SYNRG: variants seen among roughly 807,000 people sequenced by gnomAD.
SYNRG encodes AP1 gamma subunit binding protein 1.
Under a neutral mutation model 130.9 loss-of-function variants are expected in SYNRG, and 37 were observed. That is an observed-to-expected ratio of 0.28 (90% CI 0.22 to 0.37). The LOEUF is 0.37. Ranked by LOEUF, SYNRG falls within the 10% of genes least tolerant of loss-of-function variation. The pLI, the probability that SYNRG is intolerant of heterozygous loss-of-function variation, is 1.00. For synonymous variants in SYNRG, 539 were observed against 568.1 expected (o/e 0.95, Z 0.73); for missense variants, 1,338 against 1,588.9 (o/e 0.84, Z 2.68).
At chr17:37,607,597 T>C (rs1231970826) in intron 1 of SYNRG, among the ~76,000 whole-genome samples, 1 of 152,210 alleles carries the variant, frequency 6.6e-6, no homozygotes, top group Non-Finnish European at 1.5e-5. Flanking sequence ...GAGACCAGCC[T>C]GGCTAACATG....
intron 4 of SYNRG, 34 bp downstream of exon 4, chr17:37,586,385 T>A: frequency 1.2e-6 from 2 of 1,612,372 alleles, no homozygotes; most frequent in South Asian, 1.1e-5. Context: ...CTATAATGTA[T>A]CTTTGTTATC....
In SYNRG at chr17:37,518,961, G is replaced by A. The variant is rs572589591; in HGVS notation, c.3924C>T (p.Leu1308=). ...TTGTTCAGAGCAGGTCAGGCAGGACGAGGCCAGGAGGCTTTGGTTCGACAC... is the reference window on the plus strand; with the variant it reads ...TTGTTCAGAGCAGGTCAGGCAGGACAAGGCCAGGAGGCTTTGGTTCGACAC... ...INCVEPKPPG[L]VLPDLL The change falls in exon 22 of 22, where the codon CTC becomes CTT. Residue 1308 remains leucine (L), a synonymous_variant. Transcript: ENST00000612223. The A allele has an allele frequency of 2.7e-5, 43 of 1,613,980 alleles. No homozygotes were observed. The South Asian group carries it at 4.1e-4, about 15-fold the overall frequency.
intron 1 of SYNRG, among the ~76,000 whole-genome samples, chr17:37,601,220 A>G (rs1369409651): frequency 2.0e-5 from 3 of 152,082 alleles, no homozygotes; most frequent in Non-Finnish European, 4.4e-5. Context: ...GGCACCCGCC[A>G]CCACGACTGG....
At chr17:37,586,323 T>C (rs1303889193) in intron 4 of SYNRG, 96 bp downstream of exon 4, 47 of 1,524,246 alleles carry the variant, frequency 3.1e-5, no homozygotes, top group Non-Finnish European at 4.2e-5. Context: ...CTTTTGACTG[T>C]TTTAGTTTCA....
At chr17:37,577,165 C>A (rs1568454480) in intron 7 of SYNRG, among the ~76,000 whole-genome samples, 2 of 152,066 alleles carry the variant, frequency 1.3e-5, no homozygotes, top group South Asian at 4.2e-4. Flanking sequence ...AACCAGTTAT[C>A]AAAATCATTT....
intron 10 of SYNRG, among the ~76,000 whole-genome samples, chr17:37,569,379 C>A (rs2060240147): frequency 6.9e-6 from 1 of 145,508 alleles, no homozygotes; most frequent in Admixed American, 7.1e-5. Flanking sequence ...CACTGCACTC[C>A]AGCCTGGGCG....
At chr17:37,572,023 C>T (rs1408601003) in intron 8 of SYNRG, 36 bp from the exon 9 acceptor site, 1 of 1,544,350 alleles carries the variant, frequency 6.5e-7, no homozygotes, top group East Asian at 2.3e-5. Context: ...AATGGAAACA[C>T]ATTCCAAGTG....
chr17:37,517,275 G>C lies in SYNRG; in HGVS notation c.*1665C>G, dbSNP rs2054502357. On this transcript the variant is annotated 3_prime_UTR_variant, in exon 22 of 22. Transcript: ENST00000612223. The stretch of plus-strand genomic sequence containing the variant: ...GCCTGCTTGCATTCCAGCTCCATGT[G>C]GAAGTGGTGCTGTCCAGGATGGAAG... 1 of 152,208 alleles carries C rather than the reference G, an allele frequency of 6.6e-6. No individual in the cohort carries two copies. The highest frequency in any genetic ancestry group is 1.5e-5 in the Non-Finnish European group (1 of 68,176). The allele number at this position is 152,208 out of a possible 1,614,324, so 9.4% of individuals were successfully genotyped here.
At position 37,542,238 on chromosome 17, in the gene SYNRG, T is replaced by G. The variant is rs747787954; in HGVS notation, c.2936A>C (p.Glu979Ala). ...ATCTTTATAGTCTCTGTTTTCATAT[T>G]CCTTTTGCTCACTGGTCTGAGGAAT... The part of the protein sequence containing the change: ...DTIPQTSEQK[E>A]YENRDYKDFT... Residue 979 changes from glutamate to alanine, a missense_variant, in exon 15 of 22, where the codon GAA (glutamate) becomes GCA (alanine). This residue lies in a region of SYNRG where 1,146 missense variants were observed against 1,342.3 expected (regional missense o/e 0.85). Coordinates refer to ENST00000612223, the MANE Select transcript of SYNRG (RefSeq NM_007247.6). 3 of 1,614,252 alleles carry G rather than the reference T, an allele frequency of 1.9e-6. No individual in the cohort carries two copies. Among genetic ancestry groups the G allele is most frequent in the Non-Finnish European group, 2.5e-6 (3 of 1,180,052 alleles).
At chr17:37,573,960 C>T (rs1238236238) in intron 8 of SYNRG, among the ~76,000 whole-genome samples, 3 of 152,146 alleles carry the variant, frequency 2.0e-5, no homozygotes, top group Non-Finnish European at 4.4e-5. Context: ...GCAAAAAGAA[C>T]AAAACTGGAG....
intron 8 of SYNRG, among the ~76,000 whole-genome samples, chr17:37,573,124 C>T (rs1668907524): frequency 6.6e-6 from 1 of 152,012 alleles, no homozygotes; most frequent in African/African-American, 2.4e-5. Flanking sequence ...ATATTTTTGG[C>T]CAGATGTGGT....
intron 19 of SYNRG, among the ~76,000 whole-genome samples, chr17:37,528,622 C>T (rs1180142207): frequency 6.6e-6 from 1 of 152,186 alleles, no homozygotes; most frequent in African/African-American, 2.4e-5. Flanking sequence ...ATAATGATTT[C>T]TCCACTTTGA....
rs7342951 is a variant in SYNRG at position 37,574,130 on chromosome 17, T to C, written c.902-2143A>G. On this transcript the variant is annotated intron_variant, in intron 8 of 21. Transcript: ENST00000612223. Reference sequence around the variant, plus strand: ...CCACACATCCACAGTGAACTCATTTTTCAGAAAGGTGCCAAGAACATACAT... The same window carrying C: ...CCACACATCCACAGTGAACTCATTTCTCAGAAAGGTGCCAAGAACATACAT... Among the ~76,000 whole-genome samples the C allele has an allele frequency of 5.8e-3, 883 of 152,252 alleles. 8 individuals are homozygous for C. The highest frequency in any genetic ancestry group is 0.02 in the African/African-American group (816 of 41,538).
At chr17:37,523,941 A>G (rs1319459615) in intron 19 of SYNRG, among the ~76,000 whole-genome samples, 1 of 152,208 alleles carries the variant, frequency 6.6e-6, no homozygotes, top group Non-Finnish European at 1.5e-5. Context: ...CAAAAACAAG[A>G]GCAGTGCCAG....
intron 3 of SYNRG, among the ~76,000 whole-genome samples, chr17:37,590,099 A>C (rs1052762751): frequency 6.6e-6 from 1 of 151,148 alleles, no homozygotes; most frequent in Non-Finnish European, 1.5e-5. Context: ...TGAGCCCGGG[A>C]GGCGGCAGCT....
intron 15 of SYNRG, 58 bp from the exon 16 acceptor site, chr17:37,540,601 A>T: frequency 4.4e-5 from 56 of 1,259,282 alleles, no homozygotes; most frequent in Non-Finnish European, 5.3e-5. Context: ...GTTCAGGCAG[A>T]GGCTCTTCCT....
At chr17:37,563,265 G>T (rs973910597) in intron 11 of SYNRG, among the ~76,000 whole-genome samples, 9 of 152,130 alleles carry the variant, frequency 5.9e-5, no homozygotes, top group Non-Finnish European at 1.5e-5. Flanking sequence ...AAATACTCAA[G>T]TGAGAAAGGC....
chr17:37,595,817 T>C (rs2062718901), intron 3 of SYNRG, among the ~76,000 whole-genome samples: 1 of 151,024 alleles, frequency 6.6e-6, no homozygotes, highest in Non-Finnish European at 1.5e-5. Context: ...TACAGTGGCA[T>C]GATCTTGGCT....
At chr17:37,581,999 G>A (rs2061375969) in intron 6 of SYNRG, among the ~76,000 whole-genome samples, 1 of 152,062 alleles carries the variant, frequency 6.6e-6, no homozygotes, top group Non-Finnish European at 1.5e-5. Context: ...CCGACCTCAG[G>A]TGATCCACCC....
Sources: gnomAD v4.1 joint callset for allele counts (sites outside exome capture counted in the v4.1 genomes callset) on GRCh38, gnomAD v4.1.1 for gene constraint, gnomAD v4.1.1 regional missense constraint, MANE v1.5 for transcripts, NCBI Gene and HGNC (gene_info 2026-07-23, HGNC 2026-07-21) for gene names.